The following ANKRD55 variants were observed in gnomAD, a reference collection of about 807,000 sequenced individuals.
ANKRD55 encodes the protein ankyrin repeat domain-containing protein 55.
Under a neutral mutation model 60.6 loss-of-function variants are expected in ANKRD55, and 41 were observed. The ratio of observed to expected loss-of-function variants is 0.68; its 90% CI spans 0.53 to 0.88. ANKRD55 has a LOEUF of 0.88. Among genes scored for constraint, ANKRD55 ranks in the 40% least tolerant of loss-of-function variants. The probability of loss-of-function intolerance (pLI) is 0.00; values close to 1 mark genes in which losing one functional copy is unlikely to be tolerated. For missense variants in ANKRD55, 732 were observed against 767.6 expected, an observed-to-expected ratio of 0.95 and a Z score of 0.55; for synonymous variants, 264 against 290.3, an observed-to-expected ratio of 0.91 and a Z score of 0.92.
At chr5:56,166,650 GAA>G (rs34270576) in intron 5 of ANKRD55, among the ~76,000 whole-genome samples, 1 of 150,072 alleles carries the variant, frequency 6.7e-6, no homozygotes, top group Non-Finnish European at 1.5e-5. Context: ...ACACGGGCAG[GAA>G]AAAAAAAGAC....
At chr5:56,141,400 C>T (rs1392937715) in intron 7 of ANKRD55, among the ~76,000 whole-genome samples, 1 of 152,176 alleles carries the variant, frequency 6.6e-6, no homozygotes, top group Non-Finnish European at 1.5e-5. Context: ...TTATGCCCAG[C>T]TCCAGTTTTG....
chr5:56,180,712 A>T (rs1167970127), intron 3 of ANKRD55, among the ~76,000 whole-genome samples: 1 of 152,200 alleles, frequency 6.6e-6, no homozygotes, highest in East Asian at 1.9e-4. Context: ...GAGTGATTTT[A>T]AATGGTATTA....
chr5:56,192,872 G>A (rs1307956855), intron 2 of ANKRD55: 2 of 655,128 alleles, frequency 3.1e-6, no homozygotes, highest in African/African-American at 3.7e-5. Flanking sequence ...ACATGTCAAA[G>A]CTACATGGGC....
intron 7 of ANKRD55, among the ~76,000 whole-genome samples, chr5:56,135,211 T>TTTCC (rs201467096): frequency 0.019 from 2,305 of 118,416 alleles, 87 homozygotes; most frequent in South Asian, 0.033. Context: ...GTCTCACAAC[T>TTTCC]TTCCTTCCTT....
In ANKRD55 at chr5:56,172,097, C is replaced by A. The variant is rs537870532; in HGVS notation, c.313-1294G>T. Among the ~76,000 whole-genome samples the A allele has an allele frequency of 6.2e-5, 9 of 144,648 alleles. No homozygotes were observed. In the South Asian group the frequency reaches 1.7e-3, roughly 28 times the overall value. The allele number at this position is 144,648 out of a possible 152,430, so 94.9% of individuals were successfully genotyped here. ...TCGCGCCACTGCACTCCAACCTGGG[C>A]GACAGAACGAGACTCTGTCTCAAGA... is the stretch of plus-strand genomic sequence containing the variant. On this transcript the variant is annotated intron_variant, in intron 4 of 11. Coordinates refer to ENST00000341048, the MANE Select transcript of ANKRD55 (RefSeq NM_024669.3).
intron 2 of ANKRD55, among the ~76,000 whole-genome samples, chr5:56,221,425 A>T (rs1759963669): frequency 6.6e-6 from 1 of 152,218 alleles, no homozygotes; most frequent in African/African-American, 2.4e-5. Context: ...TGAGTGACGC[A>T]AAAGACAGGT....
At chr5:56,224,337 A>G (rs943906238) in intron 2 of ANKRD55, among the ~76,000 whole-genome samples, 10 of 152,268 alleles carry the variant, frequency 6.6e-5, no homozygotes, top group Non-Finnish European at 1.5e-4. Flanking sequence ...CATTTAAGGC[A>G]GTGTGTAGAG....
chr5:56,128,803 T>C (rs1049528009), intron 7 of ANKRD55, among the ~76,000 whole-genome samples: 5 of 152,208 alleles, frequency 3.3e-5, no homozygotes, highest in African/African-American at 9.6e-5. Flanking sequence ...CTGTCACGGC[T>C]GAGAATGAGC....
intron 2 of ANKRD55, among the ~76,000 whole-genome samples, chr5:56,231,004 C>T (rs532440824): frequency 1.3e-5 from 2 of 152,298 alleles, no homozygotes; most frequent in East Asian, 3.9e-4. Context: ...CTCACAACAA[C>T]CCTGCTAGGT....
chr5:56,203,504 C>A (rs903401353), intron 2 of ANKRD55, among the ~76,000 whole-genome samples: 1 of 152,100 alleles, frequency 6.6e-6, no homozygotes, highest in Non-Finnish European at 1.5e-5. Context: ...CCACAACAGT[C>A]CCCGGTGTGT....
chr5:56,189,852 C>A (rs1759052303), intron 2 of ANKRD55, among the ~76,000 whole-genome samples: 2 of 152,110 alleles, frequency 1.3e-5, no homozygotes, highest in African/African-American at 4.8e-5. Flanking sequence ...AGTGGAATTG[C>A]TAGATCATGT....
intron 8 of ANKRD55, among the ~76,000 whole-genome samples, chr5:56,120,175 T>C (rs1321773456): frequency 6.6e-6 from 1 of 152,082 alleles, no homozygotes; most frequent in Non-Finnish European, 1.5e-5. Context: ...TAGCTGGGAT[T>C]ACAGGCACGG....
intron 10 of ANKRD55, among the ~76,000 whole-genome samples, chr5:56,104,494 T>C (rs946177306): frequency 2.6e-5 from 4 of 152,098 alleles, no homozygotes; most frequent in Non-Finnish European, 5.9e-5. Flanking sequence ...TGCTCAGTTT[T>C]CAGGGACAGG....
chr5:56,166,153 T>C (rs13360012), intron 5 of ANKRD55, among the ~76,000 whole-genome samples: 4,561 of 49,256 alleles, frequency 0.093, 405 homozygotes, highest in African/African-American at 0.24. Context: ...TTTCTTTCTT[T>C]CTTCTTTCCT....
At chr5:56,145,165 T>C (rs1446399996) in intron 6 of ANKRD55, among the ~76,000 whole-genome samples, 1 of 152,230 alleles carries the variant, frequency 6.6e-6, no homozygotes, top group African/African-American at 2.4e-5. Context: ...TCTCACTTAA[T>C]CCTCCAAACA....
intron 7 of ANKRD55, among the ~76,000 whole-genome samples, chr5:56,139,545 A>G (rs1458805263): frequency 1.3e-5 from 2 of 152,216 alleles, no homozygotes; most frequent in Admixed American, 1.3e-4. Flanking sequence ...GTGCAAGAAG[A>G]AAGAAGCATT....
At chr5:56,115,859 A>G (rs1230143481) in intron 9 of ANKRD55, among the ~76,000 whole-genome samples, 2 of 151,794 alleles carry the variant, frequency 1.3e-5, no homozygotes, top group Non-Finnish European at 2.9e-5. Context: ...TAATTAATTA[A>G]TTAATTTTTT....
chr5:56,227,101 A>T (rs1424029461), intron 2 of ANKRD55, among the ~76,000 whole-genome samples: 1 of 152,138 alleles, frequency 6.6e-6, no homozygotes, highest in African/African-American at 2.4e-5. Context: ...ATGTCCATCG[A>T]TGATAGACTG....
chr5:56,154,426 C>T (rs574072047), intron 6 of ANKRD55, among the ~76,000 whole-genome samples: 27 of 152,112 alleles, frequency 1.8e-4, no homozygotes, highest in Non-Finnish European at 3.7e-4. Flanking sequence ...AAAGCCTGGG[C>T]TGTGTTCTTT....
Sources: gnomAD v4.1 joint callset for allele counts (sites outside exome capture counted in the v4.1 genomes callset) on GRCh38, gnomAD v4.1.1 for gene constraint, MANE v1.5 for transcripts, NCBI Gene and HGNC (gene_info 2026-07-23, HGNC 2026-07-21) for gene names.